The following CERKL variants were observed in gnomAD, a reference collection of about 807,000 sequenced individuals.
CERKL encodes the protein CERK like autophagy regulator.
In CERKL, 61 loss-of-function variants were observed where a neutral mutation model predicts 63.4. That is an observed-to-expected ratio of 0.96 (90% CI 0.78 to 1.19). CERKL has a LOEUF of 1.19. Ranked by LOEUF, CERKL falls within the 50% of genes most tolerant of loss-of-function variation. CERKL has a pLI of 0.00. For missense variants in CERKL, 675 were observed against 655.5 expected (o/e 1.03, Z -0.33); for synonymous variants, 250 against 230.5 (o/e 1.08, Z -0.77).
intron 1 of CERKL, among the ~76,000 whole-genome samples, chr2:181,651,049 T>C (rs751293743): frequency 1.3e-5 from 2 of 152,182 alleles, no homozygotes; most frequent in Admixed American, 1.3e-4. Context: ...AAGTCTTTCA[T>C]CAAAGAAAGG....
chr2:181,635,562 A>G (rs1271503016), intron 1 of CERKL, among the ~76,000 whole-genome samples: 1 of 152,162 alleles, frequency 6.6e-6, no homozygotes, highest in Non-Finnish European at 1.5e-5. Flanking sequence ...TTACACCTTC[A>G]AAACATGAAA....
At chr2:181,607,981 C>G (rs927318656) in intron 1 of CERKL, among the ~76,000 whole-genome samples, 1 of 151,960 alleles carries the variant, frequency 6.6e-6, no homozygotes, top group Non-Finnish European at 1.5e-5. Context: ...ATTAATGAAA[C>G]TGAATATCTT....
intron 4 of CERKL, among the ~76,000 whole-genome samples, chr2:181,560,733 A>G (rs897913743): frequency 4.6e-5 from 7 of 152,154 alleles, no homozygotes; most frequent in African/African-American, 1.4e-4. Context: ...TAGAAGCTAC[A>G]ATATTATTCA....
At chr2:181,544,314 A>C (rs1381238995) in intron 11 of CERKL, among the ~76,000 whole-genome samples, 1 of 152,240 alleles carries the variant, frequency 6.6e-6, no homozygotes, top group African/African-American at 2.4e-5. Context: ...GAAGATCTAA[A>C]GATCATAACT....
intron 1 of CERKL, 66 bp downstream of exon 1, chr2:181,656,703 G>A: frequency 1.5e-6 from 2 of 1,348,676 alleles, no homozygotes; most frequent in Non-Finnish European, 2.0e-6. Flanking sequence ...CGTGGGTGTA[G>A]GCCTTGGGCC....
intron 8 of CERKL, 131 bp downstream of exon 8, chr2:181,548,414 T>A: frequency 2.7e-6 from 2 of 737,544 alleles, no homozygotes. Flanking sequence ...CCTGTAAGAG[T>A]CTGTGATTCT....
chr2:181,558,852 G>A lies in CERKL; in HGVS notation c.678-144C>T, dbSNP rs968149114. ...TGTACCTTTAAACATGTTAATATGT[G>A]TCAATGGGTAAGACAACACAAACAC... On this transcript the variant is annotated intron_variant, in intron 4 of 12. Transcript: ENST00000410087. This position sits in a 1 kb window ranked among gnomAD's most constrained non-coding sequence, Gnocchi z 4.2. The A allele has an allele frequency of 1.3e-5, 10 of 782,404 alleles. No homozygotes were observed. The African/African-American group carries it at 1.7e-4, about 13-fold the overall frequency. 48.5% of individuals were successfully genotyped at this position (782,404 alleles called of 1,614,324 possible). A position where few individuals can be genotyped will look rare whatever the true frequency, so the allele number is the denominator to read the frequency against.
In CERKL at chr2:181,616,386, G is replaced by C. The variant is rs570829707; in HGVS notation, c.239-12307C>G. Among the ~76,000 whole-genome samples, 287 of 151,836 alleles carry C rather than the reference G, an allele frequency of 1.9e-3. 1 individual carries two copies. Among genetic ancestry groups the C allele is most frequent in the African/African-American group, 6.0e-3 (249 of 41,414 alleles). On this transcript the variant is annotated intron_variant, in intron 1 of 12. Coordinates refer to ENST00000410087, the MANE Select transcript of CERKL (RefSeq NM_201548.5). ...TCGCCACCATGCCCGGCTAATTTTT[G>C]TATTTTTAGTAGAGACGGTGTTTCA...
intron 1 of CERKL, among the ~76,000 whole-genome samples, chr2:181,628,632 G>C (rs1286345695): frequency 1.3e-5 from 2 of 152,130 alleles, no homozygotes; most frequent in African/African-American, 4.8e-5. Context: ...TAATGAAATT[G>C]AGATCTTTTC....
intron 2 of CERKL, 29 bp downstream of exon 2, chr2:181,603,808 G>A (rs1202586939): frequency 6.2e-7 from 1 of 1,610,090 alleles, no homozygotes; most frequent in South Asian, 1.1e-5. Context: ...AAACTGGGCT[G>A]ATTAAAATTT....
chr2:181,645,111 C>T (rs986885147), intron 1 of CERKL, among the ~76,000 whole-genome samples: 1 of 152,158 alleles, frequency 6.6e-6, no homozygotes, highest in African/African-American at 2.4e-5. Context: ...CATTTACCCA[C>T]CACTCCAATC....
intron 2 of CERKL, among the ~76,000 whole-genome samples, chr2:181,593,886 A>T (rs929501250): frequency 5.3e-5 from 8 of 150,018 alleles, no homozygotes; most frequent in Admixed American, 5.3e-4. Context: ...AAAAAAAAAG[A>T]ATGTATTTTT....
intron 4 of CERKL, among the ~76,000 whole-genome samples, chr2:181,563,863 T>C (rs1243956495): frequency 6.6e-6 from 1 of 152,086 alleles, no homozygotes; most frequent in Non-Finnish European, 1.5e-5. Flanking sequence ...CCAACTACCA[T>C]ATCAGCTTCT....
At chr2:181,541,186 C>T (rs1687488288) in intron 11 of CERKL, among the ~76,000 whole-genome samples, 1 of 152,036 alleles carries the variant, frequency 6.6e-6, no homozygotes, top group Admixed American at 6.6e-5. Context: ...GACTGGTGTC[C>T]TTATAAGAAG....
chr2:181,594,784 T>C (rs1343362265), intron 2 of CERKL, among the ~76,000 whole-genome samples: 19 of 152,198 alleles, frequency 1.2e-4, no homozygotes, highest in Admixed American at 1.1e-3. Context: ...TTGAAAACTA[T>C]TACCAGAATG....
At chr2:181,645,279 TAATAG>T (rs1352026970) in intron 1 of CERKL, among the ~76,000 whole-genome samples, 2 of 152,204 alleles carry the variant, frequency 1.3e-5, no homozygotes, top group Non-Finnish European at 2.9e-5. Flanking sequence ...CACCAAGTTA[TAATAG>T]AATAGGCAAA....
At chr2:181,607,442 C>A (rs1023875595) in intron 1 of CERKL, among the ~76,000 whole-genome samples, 2 of 152,180 alleles carry the variant, frequency 1.3e-5, no homozygotes, top group Non-Finnish European at 2.9e-5. Flanking sequence ...TTGTTACGAA[C>A]TATAGATGTT....
chr2:181,601,649 G>T (rs1685462867), intron 2 of CERKL, among the ~76,000 whole-genome samples: 1 of 152,212 alleles, frequency 6.6e-6, no homozygotes, highest in Admixed American at 6.5e-5. Context: ...ATTCATTTGT[G>T]TCTGATGAAG....
At chr2:181,639,206 G>A (rs776581384) in intron 1 of CERKL, among the ~76,000 whole-genome samples, 4 of 152,134 alleles carry the variant, frequency 2.6e-5, no homozygotes, top group Non-Finnish European at 4.4e-5. Context: ...GATACATGCT[G>A]AGATGCTTAC....
Sources: allele counts gnomAD v4.1 joint callset (sites outside exome capture counted in the v4.1 genomes callset), GRCh38; gene constraint gnomAD v4.1.1; non-coding constraint Gnocchi (gnomAD v3.1); transcripts MANE v1.5; gene names NCBI Gene and HGNC (gene_info 2026-07-23, HGNC 2026-07-21).